The following EXOC4 variants were observed in gnomAD, a reference collection of about 807,000 sequenced individuals.
The protein encoded by EXOC4 is SEC8-like 1.
Under a neutral mutation model 107.2 loss-of-function variants are expected in EXOC4, and 71 were observed. The observed-to-expected ratio is 0.66, with a 90% CI of 0.55 to 0.81. The LOEUF (loss-of-function observed/expected upper bound fraction) is 0.81. EXOC4 is among the 30% of genes least tolerant of loss of function. The probability of loss-of-function intolerance (pLI) is 0.00; values close to 1 mark genes in which losing one functional copy is unlikely to be tolerated. For missense variants in EXOC4, 1,108 were observed against 1,189.6 expected, an observed-to-expected ratio of 0.93 and a Z score of 1.01; for synonymous variants, 456 against 441.2, an observed-to-expected ratio of 1.03 and a Z score of -0.42.
intron 10 of EXOC4, among the ~76,000 whole-genome samples, chr7:133,689,555 G>A (rs1055953930): frequency 1.3e-5 from 2 of 152,214 alleles, no homozygotes; most frequent in Non-Finnish European, 2.9e-5. Flanking sequence ...TATTGCTGAA[G>A]GCAGGCCAAG....
chr7:133,751,272 A>G (rs1315781369), intron 10 of EXOC4, among the ~76,000 whole-genome samples: 1 of 152,204 alleles, frequency 6.6e-6, no homozygotes, highest in African/African-American at 2.4e-5. Flanking sequence ...CAATTAAATC[A>G]TTTGAGAGTC....
At chr7:133,699,560 A>G (rs1026709644) in intron 10 of EXOC4, among the ~76,000 whole-genome samples, 2 of 152,100 alleles carry the variant, frequency 1.3e-5, no homozygotes, top group African/African-American at 2.4e-5. Flanking sequence ...TCCTTGTAGA[A>G]CTAATCTGTA....
At chr7:133,297,568 T>C (rs958329696) in intron 3 of EXOC4, among the ~76,000 whole-genome samples, 6 of 152,202 alleles carry the variant, frequency 3.9e-5, no homozygotes, top group Admixed American at 2.6e-4. Context: ...TCTGTTTTAG[T>C]ATCCTTATCT....
chr7:133,760,745 A>AG (rs1796016338), intron 10 of EXOC4, among the ~76,000 whole-genome samples: 1 of 152,122 alleles, frequency 6.6e-6, no homozygotes, highest in South Asian at 2.1e-4. Flanking sequence ...AAAAAAAAAA[A>AG]AAGTTTAAAT....
chr7:133,320,875 T>TG (rs1290789057), intron 5 of EXOC4, among the ~76,000 whole-genome samples: 1 of 152,196 alleles, frequency 6.6e-6, no homozygotes, highest in Non-Finnish European at 1.5e-5. Context: ...TATAAAAGTA[T>TG]GGGGCTGATG....
intron 10 of EXOC4, among the ~76,000 whole-genome samples, chr7:133,671,150 C>T (rs1793936397): frequency 6.6e-6 from 1 of 152,078 alleles, no homozygotes; most frequent in African/African-American, 2.4e-5. Flanking sequence ...GATGCCAGGG[C>T]AAGATTATGA....
intron 10 of EXOC4, among the ~76,000 whole-genome samples, chr7:133,660,920 T>G (rs1339950536): frequency 6.6e-6 from 1 of 152,202 alleles, no homozygotes; most frequent in African/African-American, 2.4e-5. Flanking sequence ...CTTATCTTAA[T>G]TCTCATAACA....
At chr7:133,910,109 A>G (rs1799657857) in intron 12 of EXOC4, among the ~76,000 whole-genome samples, 1 of 151,992 alleles carries the variant, frequency 6.6e-6, no homozygotes, top group Admixed American at 6.5e-5. Flanking sequence ...TTTAGTAGAG[A>G]CAGGGTTTCG....
intron 1 of EXOC4, among the ~76,000 whole-genome samples, chr7:133,260,613 C>A (rs753956957): frequency 6.6e-6 from 1 of 152,114 alleles, no homozygotes; most frequent in Admixed American, 6.5e-5. Flanking sequence ...AGTTTTGGGT[C>A]TTCTAGGTTG....
At chr7:133,926,489 GTATTA>G (rs1474032730) in intron 13 of EXOC4, among the ~76,000 whole-genome samples, 1 of 152,122 alleles carries the variant, frequency 6.6e-6, no homozygotes, top group East Asian at 1.9e-4. Flanking sequence ...TATACCTGAT[GTATTA>G]TATTGTTACA....
chr7:133,879,456 C>CT (rs1798918968), intron 11 of EXOC4, among the ~76,000 whole-genome samples: 1 of 152,122 alleles, frequency 6.6e-6, no homozygotes, highest in Admixed American at 6.6e-5. Context: ...TAAAATAGGA[C>CT]TTTTTGAATT....
chr7:134,013,358 T>C (rs1000672957), intron 17 of EXOC4, among the ~76,000 whole-genome samples: 1 of 152,114 alleles, frequency 6.6e-6, no homozygotes, highest in African/African-American at 2.4e-5. Flanking sequence ...AAATACCTGA[T>C]CAGTACTCAT....
intron 10 of EXOC4, among the ~76,000 whole-genome samples, chr7:133,744,926 C>T (rs934267565): frequency 3.3e-5 from 5 of 152,106 alleles, no homozygotes; most frequent in African/African-American, 1.2e-4. Context: ...AAGGTTCTAG[C>T]TGATGATTTC....
intron 7 of EXOC4, among the ~76,000 whole-genome samples, chr7:133,446,015 T>TA (rs5887629): frequency 0.94 from 132,843 of 142,026 alleles, 62,402 homozygotes; most frequent in East Asian, 0.99. Context: ...AACCCTGTCT[T>TA]AAAAAAAAAA....
At chr7:133,677,412 G>A (rs1038034629) in intron 10 of EXOC4, among the ~76,000 whole-genome samples, 2 of 151,998 alleles carry the variant, frequency 1.3e-5, no homozygotes, top group East Asian at 1.9e-4. Context: ...TCACCACAGA[G>A]AATGTATACT....
At chr7:133,621,202 G>A (rs1802321168) in intron 9 of EXOC4, among the ~76,000 whole-genome samples, 3 of 152,210 alleles carry the variant, frequency 2.0e-5, no homozygotes, top group Non-Finnish European at 4.4e-5. Context: ...TTCTTCCCTT[G>A]TTATCTTGTC....
chr7:133,328,139 G>T (rs951112900), intron 5 of EXOC4, among the ~76,000 whole-genome samples: 1 of 152,136 alleles, frequency 6.6e-6, no homozygotes, highest in African/African-American at 2.4e-5. Context: ...TATATATTTA[G>T]GATAGTTAGC....
intron 11 of EXOC4, among the ~76,000 whole-genome samples, chr7:133,819,550 C>T (rs960883370): frequency 1.3e-4 from 20 of 151,820 alleles, no homozygotes; most frequent in Non-Finnish European, 2.4e-4. Flanking sequence ...GAATAAGTTT[C>T]GAGAGTCATA....
At chr7:133,856,528 A>G (rs1320802765) in intron 11 of EXOC4, among the ~76,000 whole-genome samples, 1 of 152,194 alleles carries the variant, frequency 6.6e-6, no homozygotes, top group Non-Finnish European at 1.5e-5. Context: ...TGCAGCTCCT[A>G]GTGGAGTATC....
Sources: allele counts gnomAD v4.1 joint callset (sites outside exome capture counted in the v4.1 genomes callset), GRCh38; gene constraint gnomAD v4.1.1; transcripts MANE v1.5; gene names NCBI Gene and HGNC (gene_info 2026-07-23, HGNC 2026-07-21).